CTCFL: variants seen among roughly 807,000 people sequenced by gnomAD.
CTCFL encodes CCCTC-binding factor like.
In CTCFL, 36 loss-of-function variants were observed where a neutral mutation model predicts 67.4. The observed-to-expected ratio is 0.53, with a 90% CI of 0.41 to 0.71. The LOEUF (loss-of-function observed/expected upper bound fraction) is 0.71, where lower values mean the gene tolerates loss of function less well. Ranked by LOEUF, CTCFL falls within the 30% of genes least tolerant of loss-of-function variation. CTCFL has a pLI of 0.00. For missense variants in CTCFL, 786 were observed against 835.2 expected, an observed-to-expected ratio of 0.94 and a Z score of 0.73; for synonymous variants, 324 against 302.3, an observed-to-expected ratio of 1.07 and a Z score of -0.75.
At chr20:57,507,758 A>C in intron 9 of CTCFL, 1 of 703,022 alleles carries the variant, frequency 1.4e-6, no homozygotes, top group Non-Finnish European at 2.6e-6. Context: ...AGGACCACCC[A>C]GTTCAGCCAC....
chr20:57,496,098 G>A, downstream of CTCFL: 1 of 400,988 alleles, frequency 2.5e-6, no homozygotes, highest in Non-Finnish European at 4.4e-6. Context: ...TGTTGGAGGT[G>A]GGGCCTGGTA....
intron 9 of CTCFL, among the ~76,000 whole-genome samples, chr20:57,503,876 G>T (rs1251555236): frequency 6.6e-6 from 1 of 151,808 alleles, no homozygotes; most frequent in Non-Finnish European, 1.5e-5. Context: ...TAGCCCCGGA[G>T]GTCGAGGCTG....
intron 9 of CTCFL, 110 bp downstream of exon 9, chr20:57,508,496 A>T: frequency 1.0e-6 from 1 of 995,154 alleles, no homozygotes; most frequent in East Asian, 2.5e-5. Flanking sequence ...ATGCTCCTGA[A>T]GTCCTGGCAG....
intron 9 of CTCFL, chr20:57,507,362 CT>C (rs35926305): frequency 0.21 from 95,755 of 446,072 alleles, 6 homozygotes; most frequent in South Asian, 0.29. Context: ...TAGCTATTTT[CT>C]TTTTTTTTTT....
downstream of CTCFL, chr20:57,496,212 A>G: frequency 1.7e-6 from 1 of 598,948 alleles, no homozygotes; most frequent in Non-Finnish European, 3.1e-6. Flanking sequence ...CTGGTCGTTC[A>G]GAGGAGTGTG....
Position 57,514,851 on chromosome 20 carries a change from C to T in CTCFL, c.1181-110G>A, listed in dbSNP as rs2068803084. The T allele has an allele frequency of 8.5e-6, 10 of 1,175,566 alleles. No individual in the cohort carries two copies. In the South Asian group the frequency reaches 1.5e-4, roughly 18 times the overall value. The allele number at this position is 1,175,566 out of a possible 1,614,324, so 72.8% of individuals were successfully genotyped here. A position where few individuals can be genotyped will look rare whatever the true frequency, so the allele number is the denominator to read the frequency against. On this transcript the variant is annotated intron_variant, in intron 6 of 10. Transcript: ENST00000243914. ...GCCCCAAGCCTCCTTTATCAACCCC[C>T]TTCTCACCGGACAACCCCCAATTAG...
At chr20:57,510,793 G>A (rs190121512) in intron 8 of CTCFL, among the ~76,000 whole-genome samples, 4 of 152,314 alleles carry the variant, frequency 2.6e-5, no homozygotes, top group Non-Finnish European at 5.9e-5. Context: ...AACCCAGGAG[G>A]TGGAGTTTGC....
rs535920079 is a variant in CTCFL, at chr20:57,506,919, A to G, written c.1674+1687T>C. 7.8e-5 allele frequency: 77 copies of G among 985,412 alleles called. No individual in the cohort carries two copies. In the African/African-American group the frequency reaches 1.3e-3, roughly 17 times the overall value. 61.0% of individuals were successfully genotyped at this position (985,412 alleles called of 1,614,324 possible). ...AAACTAATAGGGTTGACATTCCAGA[A>G]CTATCCCACTGTGCTACTCAGAAAA... On this transcript the variant is annotated intron_variant, in intron 9 of 10. Coordinates refer to ENST00000243914, the MANE Select transcript of CTCFL (RefSeq NM_001386993.1).
At position 57,514,665 on chromosome 20, in the gene CTCFL, C is replaced by T. The variant is rs2068786040; in HGVS notation, c.1257G>A (p.Gln419=). 1.9e-6 allele frequency: 3 copies of T among 1,614,186 alleles called. No individual in the cohort carries two copies. The highest frequency in any genetic ancestry group is 2.7e-5 in the African/African-American group (2 of 75,032). ...ATTTGGGGACATTTTCGCCGTGTTT[C>T]TGCAGAATATGTATTTTCATGGTCC... ...QSGTMKIHIL[Q]KHGENVPKYQ... The change falls in exon 7 of 11, where the codon CAG becomes CAA. Residue 419 remains glutamine, a synonymous_variant. Coordinates refer to ENST00000243914, the MANE Select transcript of CTCFL (RefSeq NM_001386993.1).
In CTCFL at chr20:57,524,180, A is replaced by C. The variant is rs771658583; in HGVS notation, c.26T>G (p.Leu9Arg). ...TTTGATCTTGGTGAATTGCTCAGAA[A>C]GGACAGAGATCTCAGTGGCTGCCAT... MAATEISVLSEQFTKIKEL... is the reference protein window; with the variant it reads MAATEISVRSEQFTKIKEL... The change falls in exon 2 of 11, where the codon CTT becomes CGT. Residue 9 changes from leucine (L) to arginine (R), a missense_variant. Coordinates refer to ENST00000243914, the MANE Select transcript of CTCFL (RefSeq NM_001386993.1). 1.2e-6 allele frequency: 2 copies of C among 1,613,260 alleles called. No homozygotes were observed. The highest frequency in any genetic ancestry group is 4.5e-5 in the East Asian group (2 of 44,884).
In CTCFL at chr20:57,501,743, G is replaced by T. The variant is rs113109232; in HGVS notation, c.1840+1693C>A. 7.5e-3 allele frequency among the ~76,000 whole-genome samples: 1,145 copies of T among 152,332 alleles called. 8 individuals are homozygous for T. Among genetic ancestry groups the T allele is most frequent in the Middle Eastern group, 0.02 (6 of 294 alleles). ...CACAGGAATGCCGGGGCAGCGGGCA[G>T]CAGAGCCCATCTGCTGGTGCAGAGT... On this transcript the variant is annotated intron_variant, in intron 10 of 10. Transcript: ENST00000243914.
At chr20:57,515,977 A>G in intron 5 of CTCFL, 143 bp from the exon 6 acceptor site, 1 of 956,888 alleles carries the variant, frequency 1.0e-6, no homozygotes, top group Non-Finnish European at 1.5e-6. Flanking sequence ...CTGAAAAAAC[A>G]TGAAAAAGTC....
chr20:57,496,262 G>GCGCCTACTCCCT, downstream of CTCFL: 1 of 681,748 alleles, frequency 1.5e-6, no homozygotes. Flanking sequence ...ACCATGTGAC[G>GCGCCTACTCCCT]CGCCTACTCC....
chr20:57,498,853 T>C, intron 10 of CTCFL, 152 bp from the exon 11 acceptor site: 2 of 693,964 alleles, frequency 2.9e-6, no homozygotes, highest in Non-Finnish European at 4.7e-6. Context: ...ATGGTACTAT[T>C]CTGATCTCAA....
At position 57,519,252 on chromosome 20, in the gene CTCFL, A is replaced by G; in HGVS notation, c.880T>C (p.Phe294Leu). ...TTCCGCAGCAGAGTGACCGTACGGA[A>G]GGTTTTCAGGCAGAGGTGACACAGG... is the stretch of plus-strand genomic sequence containing the variant. ...PHLCHLCLKT[F>L]RTVTLLRNHV... is the part of the protein sequence containing the mutation. The change falls in exon 4 of 11, where the codon TTC (phenylalanine) becomes CTC (leucine). Residue 294 changes from phenylalanine (F) to leucine (L), a missense_variant. Coordinates refer to ENST00000243914, the MANE Select transcript of CTCFL (RefSeq NM_001386993.1). 1.2e-6 allele frequency: 2 copies of G among 1,614,188 alleles called. No homozygotes were observed. The highest frequency in any genetic ancestry group is 1.3e-5 in the African/African-American group (1 of 75,058).
chr20:57,515,437 G>A, intron 6 of CTCFL: 1 of 387,242 alleles, frequency 2.6e-6, no homozygotes. Flanking sequence ...GAGCCACCAT[G>A]CCTGGCCAGG....
Position 57,523,209 on chromosome 20 carries a change from T to C in CTCFL, c.613A>G (p.Thr205Ala), listed in dbSNP as rs1328904340. 1.9e-6 allele frequency: 3 copies of C among 1,613,948 alleles called. No individual in the cohort carries two copies. In the Admixed American group the frequency reaches 5.0e-5, roughly 27 times the overall value. ...TCACTTCTTTCATCTCCTGACATTGTTTCCACAAAAAAGAGCTGCTCCTTT... is the reference window on the plus strand; with the variant it reads ...TCACTTCTTTCATCTCCTGACATTGCTTCCACAAAAAAGAGCTGCTCCTTT... ...RTKEQLFFVE[T>A]MSGDERSDEI... Residue 205 changes from threonine (T) to alanine (A), a missense_variant, in exon 3 of 11, where the codon ACA becomes GCA. Physicochemically the swap from Thr to Ala is moderately conservative, Grantham distance 58. Coordinates refer to ENST00000243914, the MANE Select transcript of CTCFL (RefSeq NM_001386993.1).
At chr20:57,503,333 G>A in intron 10 of CTCFL, 103 bp downstream of exon 10, 1 of 1,359,252 alleles carries the variant, frequency 7.4e-7, no homozygotes, top group Non-Finnish European at 1.0e-6. Flanking sequence ...TGGACAAATA[G>A]GGGCTCTGGA....
At chr20:57,524,377 T>C in intron 1 of CTCFL, 161 bp from the exon 2 acceptor site, 1 of 1,448,750 alleles carries the variant, frequency 6.9e-7, no homozygotes, top group South Asian at 1.5e-5. Flanking sequence ...TGATCTGGCT[T>C]GGGTCTAGGA....
Sources: gnomAD v4.1 joint callset for allele counts (sites outside exome capture counted in the v4.1 genomes callset) on GRCh38, gnomAD v4.1.1 for gene constraint, MANE v1.5 for transcripts, NCBI Gene and HGNC (gene_info 2026-07-23, HGNC 2026-07-21) for gene names.